Variants in EEF1AKMT1 observed in about 807,000 individuals in gnomAD.
The protein encoded by EEF1AKMT1 is EEF1A lysine methyltransferase 1.
A neutral mutation model predicts 21.0 loss-of-function variants in EEF1AKMT1; 18 were observed. That is an observed-to-expected ratio of 0.86 (90% confidence interval 0.59 to 1.27). The LOEUF is 1.27. Among genes scored for constraint, EEF1AKMT1 ranks in the 50% most tolerant of loss-of-function variants. The probability of loss-of-function intolerance (pLI) is 0.00; values close to 1 mark genes in which losing one functional copy is unlikely to be tolerated. For missense variants in EEF1AKMT1, 246 were observed against 258.6 expected (o/e 0.95, Z 0.33); for synonymous variants, 109 against 94.8 (o/e 1.15, Z -0.87).
chr13:20,736,764 G>T (rs1306606315), intron 3 of EEF1AKMT1, among the ~76,000 whole-genome samples: 6 of 108,346 alleles, frequency 5.5e-5, no homozygotes, highest in Non-Finnish European at 8.5e-5. Flanking sequence ...TTGAGACAGA[G>T]TCTCACTCTG....
At chr13:20,771,124 G>T (rs992269160) in intron 1 of EEF1AKMT1, among the ~76,000 whole-genome samples, 6 of 152,076 alleles carry the variant, frequency 3.9e-5, no homozygotes, top group Admixed American at 3.3e-4. Context: ...TACCCACCTT[G>T]TTCTCCCAAA....
rs372597695 is a variant in EEF1AKMT1, at chr13:20,737,672, G to A, written c.227+51C>T. 1.6e-3 allele frequency: 2,273 copies of A among 1,422,668 alleles called. 4 individuals carry two copies. The highest frequency in any genetic ancestry group is 2.3e-3 in the Admixed American group (134 of 57,656). The allele number at this position is 1,422,668 out of a possible 1,614,324, so 88.1% of individuals were successfully genotyped here. A position where few individuals can be genotyped will look rare whatever the true frequency, so the allele number is the denominator to read the frequency against. On this transcript the variant is annotated intron_variant, in intron 3 of 4. Transcript: ENST00000382758. ...TACAAACCATCTGTCATCCAGGAAA[G>A]ACATTCAAAATATTACATTAGATGC...
intron 4 of EEF1AKMT1, among the ~76,000 whole-genome samples, chr13:20,731,321 C>A (rs1164406953): frequency 1.3e-5 from 2 of 152,146 alleles, no homozygotes; most frequent in African/African-American, 4.8e-5. Context: ...TGTATCAAAC[C>A]CAGCTTGGTG....
chr13:20,731,720 G>A (rs1034558819), intron 4 of EEF1AKMT1, 121 bp downstream of exon 4: 3 of 995,114 alleles, frequency 3.0e-6, no homozygotes, highest in South Asian at 1.6e-5. Context: ...AGGGCACAAA[G>A]AGTTAAATAA....
chr13:20,735,332 C>CG (rs397715501), intron 3 of EEF1AKMT1, among the ~76,000 whole-genome samples: 3 of 151,870 alleles, frequency 2.0e-5, no homozygotes, highest in Admixed American at 6.6e-5. Context: ...GCCTGCCCCC[C>CG]ACCATGACTG....
At chr13:20,771,940 G>C (rs1374520721) in intron 1 of EEF1AKMT1, among the ~76,000 whole-genome samples, 3 of 151,752 alleles carry the variant, frequency 2.0e-5, no homozygotes, top group African/African-American at 4.8e-5. Flanking sequence ...GAACCCAGGA[G>C]ATGGAGGTTG....
chr13:20,736,332 A>G (rs183294492), intron 3 of EEF1AKMT1, among the ~76,000 whole-genome samples: 11 of 152,336 alleles, frequency 7.2e-5, no homozygotes, highest in African/African-American at 2.6e-4. Context: ...CAAAACCATC[A>G]CAATCAAGAG....
At chr13:20,771,270 A>G (rs933077703) in intron 1 of EEF1AKMT1, among the ~76,000 whole-genome samples, 2 of 152,228 alleles carry the variant, frequency 1.3e-5, no homozygotes, top group African/African-American at 4.8e-5. Context: ...TAAAACATGA[A>G]AACCAAAAAG....
At chr13:20,735,934 G>C (rs1227415420) in intron 3 of EEF1AKMT1, among the ~76,000 whole-genome samples, 1 of 152,022 alleles carries the variant, frequency 6.6e-6, no homozygotes, top group South Asian at 2.1e-4. Context: ...AAGATAAAGT[G>C]GAGGAATTCT....
chr13:20,749,872 A>C (rs187951398), intron 2 of EEF1AKMT1, among the ~76,000 whole-genome samples: 4 of 152,292 alleles, frequency 2.6e-5, no homozygotes, highest in Admixed American at 6.5e-5. Flanking sequence ...TTTCTTCTGG[A>C]AGGCTCTAGG....
chr13:20,751,096 G>A (rs2058937765), intron 2 of EEF1AKMT1, among the ~76,000 whole-genome samples: 1 of 152,112 alleles, frequency 6.6e-6, no homozygotes, highest in Non-Finnish European at 1.5e-5. Context: ...CAGATGAATA[G>A]TTTTCAAATA....
chr13:20,733,094 C>CTTTTT lies in EEF1AKMT1; in HGVS notation c.228-978_228-974dup, dbSNP rs56061412. On this transcript the variant is annotated intron_variant, in intron 3 of 4. Coordinates refer to ENST00000382758, the MANE Select transcript of EEF1AKMT1 (RefSeq NM_001318939.2). ...GAATTATTGAGTTGACTGTGATACA[C>CTTTTT]TTTTTTTTTTTTTTTTTTTGAGACA... is the stretch of plus-strand genomic sequence containing the variant. Among the ~76,000 whole-genome samples the CTTTTT allele has an allele frequency of 8.4e-3, 1,062 of 126,514 alleles. 45 individuals carry two copies. Among genetic ancestry groups the CTTTTT allele is most frequent in the African/African-American group, 0.031 (1,019 of 33,008 alleles). The allele number at this position is 126,514 out of a possible 152,430, so 83.0% of individuals were successfully genotyped here. A position where few individuals can be genotyped will look rare whatever the true frequency, so the allele number is the denominator to read the frequency against.
intron 3 of EEF1AKMT1, among the ~76,000 whole-genome samples, chr13:20,734,714 C>T (rs1345452286): frequency 6.6e-6 from 1 of 152,088 alleles, no homozygotes; most frequent in Non-Finnish European, 1.5e-5. Flanking sequence ...CTGCCTCAGC[C>T]TCCCGAGTAT....
intron 3 of EEF1AKMT1, among the ~76,000 whole-genome samples, chr13:20,737,235 G>A (rs955501611): frequency 6.6e-6 from 1 of 152,010 alleles, no homozygotes; most frequent in African/African-American, 2.4e-5. Flanking sequence ...ATGGTGGTGT[G>A]TGCCTGTAGT....
chr13:20,745,053 T>C (rs1178501951), intron 2 of EEF1AKMT1, among the ~76,000 whole-genome samples: 1 of 152,224 alleles, frequency 6.6e-6, no homozygotes, highest in African/African-American at 2.4e-5. Context: ...TATATCTGTT[T>C]TGGCAACAGT....
intron 2 of EEF1AKMT1, among the ~76,000 whole-genome samples, chr13:20,753,870 A>T (rs1273725348): frequency 1.4e-4 from 21 of 151,868 alleles, no homozygotes; most frequent in Non-Finnish European, 5.9e-5. Context: ...TTTTTCTTTA[A>T]ATCTGTTCAG....
chr13:20,737,526 G>C (rs1466474185), intron 3 of EEF1AKMT1, among the ~76,000 whole-genome samples, 197 bp downstream of exon 3: 1 of 152,272 alleles, frequency 6.6e-6, no homozygotes, highest in South Asian at 2.1e-4. Flanking sequence ...GAAGAGATAA[G>C]ACATTCCACA....
intron 3 of EEF1AKMT1, among the ~76,000 whole-genome samples, chr13:20,736,963 A>G (rs149751897): frequency 0.093 from 14,135 of 151,498 alleles, 804 homozygotes; most frequent in Non-Finnish European, 0.13. Context: ...CAAACTCCGA[A>G]CCTCAGGTGA....
intron 1 of EEF1AKMT1, among the ~76,000 whole-genome samples, chr13:20,767,103 G>A (rs921917737): frequency 6.6e-6 from 1 of 151,774 alleles, no homozygotes; most frequent in Non-Finnish European, 1.5e-5. Flanking sequence ...TCAGGAGATC[G>A]AGACCATCCT....
Sources: allele counts gnomAD v4.1 joint callset (sites outside exome capture counted in the v4.1 genomes callset), GRCh38; gene constraint gnomAD v4.1.1; transcripts MANE v1.5; gene names NCBI Gene and HGNC (gene_info 2026-07-23, HGNC 2026-07-21).